The following MAGI2 variants were observed in gnomAD, a reference collection of about 807,000 sequenced individuals.
MAGI2 encodes the protein membrane associated guanylate kinase, WW and PDZ domain containing 2.
MAGI2 carries 35 observed loss-of-function variants against 133.3 expected under a neutral mutation model. The observed-to-expected ratio is 0.26, with a 90% confidence interval of 0.20 to 0.35. The LOEUF is 0.35. MAGI2 is among the 10% of genes least tolerant of loss of function. The pLI is 1.00. For missense variants in MAGI2, 1,636 were observed against 1,863.4 expected, an observed-to-expected ratio of 0.88 and a Z score of 2.25; for synonymous variants, 729 against 710.6, an observed-to-expected ratio of 1.03 and a Z score of -0.41.
intron 1 of MAGI2, among the ~76,000 whole-genome samples, chr7:79,155,139 T>C (rs567420672): frequency 6.6e-6 from 1 of 152,198 alleles, no homozygotes; most frequent in Non-Finnish European, 1.5e-5. Context: ...CAGGCAGGGG[T>C]CTATGAGGAG....
intron 1 of MAGI2, among the ~76,000 whole-genome samples, chr7:79,279,041 T>C (rs1488123997): frequency 6.6e-5 from 10 of 152,042 alleles, no homozygotes; most frequent in African/African-American, 2.4e-5. Context: ...CTGAATTCCT[T>C]AGTACTCCTT....
intron 2 of MAGI2, among the ~76,000 whole-genome samples, chr7:78,804,373 A>G (rs986492309): frequency 9.9e-5 from 15 of 152,070 alleles, no homozygotes; most frequent in African/African-American, 3.6e-4. Flanking sequence ...AATACGGAGA[A>G]TTATTTCTAA....
At chr7:78,877,208 T>A (rs916662200) in intron 2 of MAGI2, among the ~76,000 whole-genome samples, 3 of 152,240 alleles carry the variant, frequency 2.0e-5, no homozygotes, top group African/African-American at 7.2e-5. Flanking sequence ...TCTGGTTTCT[T>A]CATTGCTCCA....
intron 2 of MAGI2, among the ~76,000 whole-genome samples, chr7:78,793,714 AT>A (rs1204525894): frequency 6.6e-6 from 1 of 152,222 alleles, no homozygotes; most frequent in African/African-American, 2.4e-5. Flanking sequence ...TTAATATCAT[AT>A]TTGAATACCA....
At chr7:78,667,354 T>C (rs948516804) in intron 2 of MAGI2, among the ~76,000 whole-genome samples, 26 of 151,542 alleles carry the variant, frequency 1.7e-4, no homozygotes, top group Non-Finnish European at 3.5e-4. Flanking sequence ...AATTGGGTTT[T>C]TTTTTTTGAG....
At chr7:79,099,209 A>C (rs1817759174) in intron 1 of MAGI2, among the ~76,000 whole-genome samples, 1 of 152,160 alleles carries the variant, frequency 6.6e-6, no homozygotes, top group South Asian at 2.1e-4. Context: ...CAGAGAGTAC[A>C]TTAAGTTCAA....
At chr7:78,228,434 T>C (rs542980082) in intron 10 of MAGI2, among the ~76,000 whole-genome samples, 3 of 152,282 alleles carry the variant, frequency 2.0e-5, no homozygotes, top group Admixed American at 6.5e-5. Flanking sequence ...TTATGATGGG[T>C]TGGCCTTTTG....
intron 1 of MAGI2, among the ~76,000 whole-genome samples, chr7:79,231,556 T>C (rs1391865660): frequency 1.1e-5 from 1 of 92,450 alleles, no homozygotes; most frequent in Non-Finnish European, 2.7e-5. Flanking sequence ...TTTGAAGCAA[T>C]TGTGAATGGG....
At chr7:79,026,942 CA>C (rs141356404) in intron 1 of MAGI2, among the ~76,000 whole-genome samples, 10,965 of 151,798 alleles carry the variant, frequency 0.072, 424 homozygotes, top group African/African-American at 0.083. Flanking sequence ...TACAAATGAC[CA>C]AAAGACATAT....
chr7:79,144,441 T>C (rs1585037612), intron 1 of MAGI2, among the ~76,000 whole-genome samples: 2 of 152,288 alleles, frequency 1.3e-5, no homozygotes, highest in Admixed American at 1.3e-4. Context: ...TCTGTCTTAT[T>C]CCTGCTCCAG....
intron 1 of MAGI2, among the ~76,000 whole-genome samples, chr7:79,335,270 G>A (rs1055482608): frequency 6.6e-6 from 1 of 152,090 alleles, no homozygotes; most frequent in African/African-American, 2.4e-5. Context: ...CGTTTAGGTT[G>A]TGTCTTCAAG....
At chr7:79,381,464 T>C (rs1320353364) in intron 1 of MAGI2, among the ~76,000 whole-genome samples, 1 of 151,818 alleles carries the variant, frequency 6.6e-6, no homozygotes, top group East Asian at 1.9e-4. Flanking sequence ...TTTCTAGTTC[T>C]TTCATCCTTA....
chr7:78,333,748 G>A (rs1280006262), intron 9 of MAGI2, among the ~76,000 whole-genome samples: 1 of 152,230 alleles, frequency 6.6e-6, no homozygotes, highest in South Asian at 2.1e-4. Flanking sequence ...TGAAGCGTGA[G>A]TGAAGCCGCC....
At position 78,136,139 on chromosome 7, in the gene MAGI2, G is replaced by A. The variant is rs564982705; in HGVS notation, c.2846-933C>T. Among the ~76,000 whole-genome samples the A allele has an allele frequency of 6.1e-4, 91 of 149,378 alleles. 1 individual carries two copies. Among genetic ancestry groups the A allele is most frequent in the African/African-American group, 2.2e-3 (88 of 40,642 alleles). Reference sequence around the variant, plus strand: ...TTCTTCTTTTTTTTTTTTTTGAGATGGAGTCTCACTCTGTCGCCCAGGCTG... The same window carrying A: ...TTCTTCTTTTTTTTTTTTTTGAGATAGAGTCTCACTCTGTCGCCCAGGCTG... On this transcript the variant is annotated intron_variant, in intron 16 of 21. Coordinates refer to ENST00000354212, the MANE Select transcript of MAGI2 (RefSeq NM_012301.4).
chr7:78,580,346 C>T (rs918783879), intron 3 of MAGI2, among the ~76,000 whole-genome samples: 1 of 152,122 alleles, frequency 6.6e-6, no homozygotes, highest in Non-Finnish European at 1.5e-5. Context: ...TGCTACAGTT[C>T]TTGAAAAGGA....
Position 78,361,499 on chromosome 7 carries a change from G to T in MAGI2, c.1103+7657C>A, listed in dbSNP as rs1469171328. On this transcript the variant is annotated intron_variant, in intron 7 of 21. Coordinates refer to ENST00000354212, the MANE Select transcript of MAGI2 (RefSeq NM_012301.4). ...CAAATATATTCTCAAAGAAATGTTG[G>T]TGTGAGAGGAATGGTTCCTTTGCTT... Among the ~76,000 whole-genome samples the T allele has an allele frequency of 3.9e-5, 6 of 152,026 alleles. No individual in the cohort carries two copies. The East Asian group carries it at 9.7e-4, about 24-fold the overall frequency.
chr7:79,133,614 T>C (rs2129545506), intron 1 of MAGI2, among the ~76,000 whole-genome samples: 1 of 152,310 alleles, frequency 6.6e-6, no homozygotes, highest in East Asian at 1.9e-4. Flanking sequence ...TTGTCATTAG[T>C]AGTATTATTT....
intron 1 of MAGI2, among the ~76,000 whole-genome samples, chr7:79,437,995 T>A (rs1322870940): frequency 6.6e-6 from 1 of 152,164 alleles, no homozygotes; most frequent in Non-Finnish European, 1.5e-5. Context: ...ACAGAATATA[T>A]GTGCAGGCAT....
At chr7:78,889,419 C>A (rs891888523) in intron 2 of MAGI2, among the ~76,000 whole-genome samples, 1 of 152,134 alleles carries the variant, frequency 6.6e-6, no homozygotes, top group Non-Finnish European at 1.5e-5. Flanking sequence ...CTCCAAGACA[C>A]ATAATTGTCA....
Sources: gnomAD v4.1 joint callset for allele counts (sites outside exome capture counted in the v4.1 genomes callset) on GRCh38, gnomAD v4.1.1 for gene constraint, MANE v1.5 for transcripts, NCBI Gene and HGNC (gene_info 2026-07-23, HGNC 2026-07-21) for gene names.